Variants in PLCB1 observed in about 807,000 individuals in gnomAD.
PLCB1 encodes phospholipase C beta 1, also known as 1-phosphatidylinositol 4,5-bisphosphate phosphodiesterase beta-1.
PLCB1 carries 46 observed loss-of-function variants against 161.8 expected under a neutral mutation model. That is an observed-to-expected ratio of 0.28 (90% confidence interval 0.22 to 0.36). The LOEUF (loss-of-function observed/expected upper bound fraction) is 0.36, where lower values mean the gene tolerates loss of function less well. PLCB1 is among the 10% of genes least tolerant of loss of function. The probability of loss-of-function intolerance (pLI) is 1.00; values close to 1 mark genes in which losing one functional copy is unlikely to be tolerated. For synonymous variants in PLCB1, 517 were observed against 503.7 expected, an observed-to-expected ratio of 1.03 and a Z score of -0.35; for missense variants, 1,016 against 1,472.5, an observed-to-expected ratio of 0.69 and a Z score of 5.07.
At chr20:8,792,573 T>G (rs1217146248) in intron 31 of PLCB1, 1 of 471,298 alleles carries the variant, frequency 2.1e-6, no homozygotes, top group Admixed American at 2.3e-5. Context: ...GTCTGCGTTT[T>G]TTATTGTAAA....
chr20:8,716,801 G>A (rs112765477), intron 13 of PLCB1, among the ~76,000 whole-genome samples: 223 of 152,266 alleles, frequency 1.5e-3, no homozygotes, highest in African/African-American at 4.7e-3. Context: ...AACTCAGGTC[G>A]CCCATTGCAT....
chr20:8,364,416 A>G (rs1182011871), intron 2 of PLCB1, among the ~76,000 whole-genome samples: 3 of 152,172 alleles, frequency 2.0e-5, no homozygotes, highest in African/African-American at 7.2e-5. Context: ...TTTTTCCCCA[A>G]TTTATGCTAT....
intron 31 of PLCB1, among the ~76,000 whole-genome samples, chr20:8,837,095 G>A (rs559801479): frequency 6.6e-6 from 1 of 152,022 alleles, no homozygotes; most frequent in South Asian, 2.1e-4. Context: ...TTATGATGAG[G>A]GTTCTTTGCC....
At chr20:8,298,829 G>C (rs541418179) in intron 2 of PLCB1, among the ~76,000 whole-genome samples, 2 of 152,214 alleles carry the variant, frequency 1.3e-5, no homozygotes, top group South Asian at 2.1e-4. Context: ...AAATGCAGCA[G>C]AGCATCTAAA....
intron 2 of PLCB1, among the ~76,000 whole-genome samples, chr20:8,168,054 C>T (rs1420682515): frequency 6.6e-6 from 1 of 152,152 alleles, no homozygotes; most frequent in Non-Finnish European, 1.5e-5. Flanking sequence ...GCTAGTCCAG[C>T]TTGCTCTGGT....
At chr20:8,530,972 T>C (rs922975638) in intron 3 of PLCB1, among the ~76,000 whole-genome samples, 1 of 152,104 alleles carries the variant, frequency 6.6e-6, no homozygotes, top group Non-Finnish European at 1.5e-5. Flanking sequence ...TTTATTTCAT[T>C]AATCTATTCA....
intron 3 of PLCB1, among the ~76,000 whole-genome samples, chr20:8,589,303 T>G (rs1486965348): frequency 6.6e-6 from 1 of 152,206 alleles, no homozygotes; most frequent in Non-Finnish European, 1.5e-5. Context: ...CCTTTGGAAT[T>G]TACACTCTAG....
At chr20:8,645,951 T>C in intron 4 of PLCB1, 151 bp from the exon 5 acceptor site, 1 of 545,570 alleles carries the variant, frequency 1.8e-6, no homozygotes, top group South Asian at 2.9e-5. Context: ...ATGTCATTTT[T>C]ACCCAAAAAA....
intron 3 of PLCB1, among the ~76,000 whole-genome samples, chr20:8,471,830 T>C (rs1465624736): frequency 6.6e-6 from 1 of 152,152 alleles, no homozygotes; most frequent in African/African-American, 2.4e-5. Flanking sequence ...AACAGCAACT[T>C]TTTCAATGCA....
intron 3 of PLCB1, among the ~76,000 whole-genome samples, chr20:8,620,232 A>G (rs1988142565): frequency 6.6e-6 from 1 of 152,126 alleles, no homozygotes; most frequent in Non-Finnish European, 1.5e-5. Flanking sequence ...ACTACCAGCT[A>G]TTAATTTTTT....
chr20:8,282,126 A>G (rs952701297), intron 2 of PLCB1, among the ~76,000 whole-genome samples: 5 of 152,188 alleles, frequency 3.3e-5, no homozygotes, highest in African/African-American at 9.6e-5. Flanking sequence ...CATGTACTAT[A>G]TGTTTGTATG....
At chr20:8,687,449 G>A (rs1025126830) in intron 10 of PLCB1, among the ~76,000 whole-genome samples, 2 of 152,094 alleles carry the variant, frequency 1.3e-5, no homozygotes, top group Non-Finnish European at 2.9e-5. Flanking sequence ...CCCATCACCC[G>A]AGCAGTATAC....
rs746443310 is a variant in PLCB1 at position 8,634,339 on chromosome 20, A to T, written c.384+5908A>T. Among the ~76,000 whole-genome samples the T allele has an allele frequency of 1.8e-4, 27 of 152,284 alleles. No homozygotes were observed. In the Middle Eastern group the frequency reaches 0.01, roughly 58 times the overall value. On this transcript the variant is annotated intron_variant, in intron 4 of 31. Coordinates refer to ENST00000338037, the MANE Select transcript of PLCB1 (RefSeq NM_015192.4). ...TAGTCTTTAATGTTTGTAATTTTAG[A>T]TTCTTCCCCCTCTGTAGCTGTGAGT... is the stretch of plus-strand genomic sequence containing the variant.
intron 3 of PLCB1, among the ~76,000 whole-genome samples, chr20:8,426,833 C>T (rs1171074008): frequency 6.6e-6 from 1 of 152,106 alleles, no homozygotes; most frequent in Non-Finnish European, 1.5e-5. Context: ...TTTAAAAATA[C>T]ATATAGGCTG....
chr20:8,563,862 A>G (rs1418124161), intron 3 of PLCB1, among the ~76,000 whole-genome samples: 1 of 152,190 alleles, frequency 6.6e-6, no homozygotes, highest in Non-Finnish European at 1.5e-5. Context: ...AAACAAATGG[A>G]AAAACATCCC....
intron 31 of PLCB1, among the ~76,000 whole-genome samples, chr20:8,836,176 T>C (rs1174474088): frequency 6.6e-6 from 1 of 152,156 alleles, no homozygotes; most frequent in Non-Finnish European, 1.5e-5. Context: ...AACTGGCATA[T>C]TGTCACTTTG....
chr20:8,764,082 A>C (rs552123100), intron 25 of PLCB1, among the ~76,000 whole-genome samples: 1 of 152,190 alleles, frequency 6.6e-6, no homozygotes, highest in East Asian at 2.0e-4. Flanking sequence ...CATGAGAATC[A>C]CCTGAACCCG....
At chr20:8,878,738 A>C (rs1987867643) in intron 31 of PLCB1, among the ~76,000 whole-genome samples, 2 of 151,324 alleles carry the variant, frequency 1.3e-5, no homozygotes, top group Non-Finnish European at 1.5e-5. Flanking sequence ...ATTTTTATTT[A>C]TTTTTATTTT....
At chr20:8,563,863 A>G (rs1468418469) in intron 3 of PLCB1, among the ~76,000 whole-genome samples, 1 of 152,194 alleles carries the variant, frequency 6.6e-6, no homozygotes, top group East Asian at 1.9e-4. Flanking sequence ...AACAAATGGA[A>G]AAACATCCCA....
Sources: gnomAD v4.1 joint callset for allele counts (sites outside exome capture counted in the v4.1 genomes callset) on GRCh38, gnomAD v4.1.1 for gene constraint, MANE v1.5 for transcripts, NCBI Gene and HGNC (gene_info 2026-07-23, HGNC 2026-07-21) for gene names.